Variants in ZNF581 observed in about 807,000 individuals in gnomAD.
ZNF581 encodes the protein zinc finger protein 581.
A neutral mutation model predicts 1.2 loss-of-function variants in ZNF581; 1 was observed. That is an observed-to-expected ratio of 0.83 (90% confidence interval 0.30 to 3.95). ZNF581 has a LOEUF of 3.95. Among genes scored for constraint, ZNF581 ranks in the 30% most tolerant of loss-of-function variants. The probability of loss-of-function intolerance (pLI) is 0.18; values close to 1 mark genes in which losing one functional copy is unlikely to be tolerated. For synonymous variants in ZNF581, 105 were observed against 109.2 expected, an observed-to-expected ratio of 0.96 and a Z score of 0.24; for missense variants, 273 against 274.6, an observed-to-expected ratio of 0.99 and a Z score of 0.04.
At chr19:55,641,042 G>GCC (rs969605182), upstream of ZNF581, 122 of 984,862 alleles carry the variant, frequency 1.2e-4, no homozygotes, top group Non-Finnish European at 1.4e-4. Flanking sequence ...GCACCCCCGC[G>GCC]CCCCCAGTCC....
chr19:55,638,307 C>T (rs1052789777), upstream of ZNF581, among the ~76,000 whole-genome samples: 17 of 152,172 alleles, frequency 1.1e-4, no homozygotes, highest in East Asian at 3.1e-3. Flanking sequence ...GGCACAATCT[C>T]GGTTCACTGC....
At chr19:55,640,667 C>A, upstream of ZNF581, 1 of 985,480 alleles carries the variant, frequency 1.0e-6, no homozygotes, top group Non-Finnish European at 1.2e-6. Flanking sequence ...ATTTGCTCAG[C>A]CGGCAGGAAC....
chr19:55,642,787 C>G (rs1321930823), upstream of ZNF581: 2 of 1,558,274 alleles, frequency 1.3e-6, no homozygotes, highest in South Asian at 2.3e-5. Context: ...AGGGCTACAG[C>G]TGCCCGGAGT....
chr19:55,640,663 T>C (rs7257611), upstream of ZNF581: 33,051 of 985,388 alleles, frequency 0.034, 621 homozygotes, highest in African/African-American at 0.054. Flanking sequence ...CCACATTTGC[T>C]CAGCCGGCAG....
chr19:55,635,839 G>C, intron 1 of ZNF581: 1 of 502,300 alleles, frequency 2.0e-6, no homozygotes, highest in Non-Finnish European at 2.6e-6. Flanking sequence ...GGTGAGCAGG[G>C]CATATAGGTG....
chr19:55,636,740 A>G (rs1015001968), upstream of ZNF581, among the ~76,000 whole-genome samples: 1 of 152,074 alleles, frequency 6.6e-6, no homozygotes, highest in Non-Finnish European at 1.5e-5. Flanking sequence ...AGAGCAGGGC[A>G]CCTGGAGCTA....
Position 55,645,548 on chromosome 19 carries a change from A to G in ZNF581, c.*383A>G. The G allele has an allele frequency of 5.2e-6, 1 of 192,350 alleles. No homozygotes were observed. Among genetic ancestry groups the G allele is most frequent in the African/African-American group, 2.3e-5 (1 of 42,598 alleles). 11.9% of individuals were successfully genotyped at this position (192,350 alleles called of 1,614,324 possible). A position where few individuals can be genotyped will look rare whatever the true frequency, so the allele number is the denominator to read the frequency against. ...GGGGCTTCTGCGCTGTTGTTGGGGA[A>G]GGGACCCCAGTCCTGCCTTCCACCC... On this transcript the variant is annotated 3_prime_UTR_variant, in exon 2 of 2. Transcript: ENST00000270451.
At chr19:55,643,112 C>G, upstream of ZNF581, 1 of 1,306,184 alleles carries the variant, frequency 7.7e-7, no homozygotes, top group South Asian at 2.5e-5. Flanking sequence ...CACACACACC[C>G]CCTGGCTCTG....
upstream of ZNF581, among the ~76,000 whole-genome samples, chr19:55,639,249 C>G (rs572033137): frequency 6.6e-6 from 1 of 151,904 alleles, no homozygotes; most frequent in African/African-American, 2.4e-5. Context: ...GGATGCTGCT[C>G]AACACTCTAC....
At chr19:55,640,608 GC>G, upstream of ZNF581, 1 of 985,430 alleles carries the variant, frequency 1.0e-6, no homozygotes, top group Non-Finnish European at 1.2e-6. Context: ...GAGAATCACG[GC>G]CCGGCCACAT....
chr19:55,645,260 G>A lies in ZNF581; in HGVS notation c.*95G>A. On this transcript the variant is annotated 3_prime_UTR_variant, in exon 2 of 2. Coordinates refer to ENST00000270451, the MANE Select transcript of ZNF581 (RefSeq NM_016535.4). Reference sequence around the variant, plus strand: ...GTGAGAGCCTGAGGCTGGTGTTCAGGGCCCTGGACACAGACACAGAGCAGC... The same window carrying A: ...GTGAGAGCCTGAGGCTGGTGTTCAGAGCCCTGGACACAGACACAGAGCAGC... The A allele has an allele frequency of 8.7e-7, 1 of 1,144,924 alleles. No individual in the cohort carries two copies. Among genetic ancestry groups the A allele is most frequent in the South Asian group, 1.8e-5 (1 of 56,258 alleles). The allele number at this position is 1,144,924 out of a possible 1,614,324, so 70.9% of individuals were successfully genotyped here.
upstream of ZNF581, chr19:55,642,275 G>A: frequency 1.6e-6 from 2 of 1,243,152 alleles, no homozygotes; most frequent in Non-Finnish European, 2.0e-6. Context: ...GGAGTGGCAG[G>A]TGGTGGCGGG....
chr19:55,640,976 A>G (rs1473558117), upstream of ZNF581: 2 of 985,198 alleles, frequency 2.0e-6, no homozygotes, highest in Admixed American at 6.1e-5. Context: ...GAACCTCCGC[A>G]CTGGGCTCGC....
chr19:55,645,276 A>G lies in ZNF581; in HGVS notation c.*111A>G, dbSNP rs1379060827. On this transcript the variant is annotated 3_prime_UTR_variant, in exon 2 of 2. Transcript: ENST00000270451. ...GGTGTTCAGGGCCCTGGACACAGAC[A>G]CAGAGCAGCCGCATCTCAAAGGCAG... The G allele has an allele frequency of 2.1e-6, 2 of 946,708 alleles. No homozygotes were observed. The highest frequency in any genetic ancestry group is 3.2e-5 in the Admixed American group (1 of 30,898). The allele number at this position is 946,708 out of a possible 1,614,324, so 58.6% of individuals were successfully genotyped here.
upstream of ZNF581, among the ~76,000 whole-genome samples, chr19:55,637,983 T>C (rs986086738): frequency 3.3e-5 from 5 of 152,218 alleles, no homozygotes; most frequent in African/African-American, 1.2e-4. Flanking sequence ...ACTAGTTATA[T>C]GGTCTGAAAC....
chr19:55,643,090 G>T, upstream of ZNF581: 2 of 1,332,376 alleles, frequency 1.5e-6, no homozygotes, highest in South Asian at 4.3e-5. Context: ...CCCACACAGC[G>T]TCACTCACTC....
chr19:55,641,115 G>C, upstream of ZNF581: 1 of 985,392 alleles, frequency 1.0e-6, no homozygotes, highest in Non-Finnish European at 1.2e-6. Context: ...GCCGGCGCTC[G>C]CCAGGGGAAG....
Position 55,644,387 on chromosome 19 carries a change from T to G in ZNF581, c.-19-166T>G, listed in dbSNP as rs1043885558. On this transcript the variant is annotated intron_variant, in intron 1 of 1. Transcript: ENST00000270451. This position sits in a 1 kb window ranked among gnomAD's most constrained non-coding sequence, Gnocchi z 4.3. ...CAAGGAGGAAGACCCTGGGGACCTTTTAGGGGGCCACAGACTCCAGCTGTG... is the reference window on the plus strand; with the variant it reads ...CAAGGAGGAAGACCCTGGGGACCTTGTAGGGGGCCACAGACTCCAGCTGTG... 6.6e-6 allele frequency among the ~76,000 whole-genome samples: 1 copy of G among 151,976 alleles called. No homozygotes were observed. The highest frequency in any genetic ancestry group is 2.4e-5 in the African/African-American group (1 of 41,348).
upstream of ZNF581, chr19:55,642,736 G>A: frequency 2.0e-6 from 3 of 1,516,134 alleles, no homozygotes; most frequent in East Asian, 2.6e-5. Context: ...CCCGGGGCCC[G>A]CCCCAGCGCG....
Sources: allele counts gnomAD v4.1 joint callset (sites outside exome capture counted in the v4.1 genomes callset), GRCh38; gene constraint gnomAD v4.1.1; non-coding constraint Gnocchi (gnomAD v3.1); transcripts MANE v1.5; gene names NCBI Gene and HGNC (gene_info 2026-07-23, HGNC 2026-07-21).